Variants in PEX7 observed in about 807,000 individuals in gnomAD.
PEX7 encodes the protein PTS2 receptor.
A neutral mutation model predicts 47.5 loss-of-function variants in PEX7; 34 were observed. The ratio of observed to expected loss-of-function variants is 0.72; its 90% CI spans 0.54 to 0.95. PEX7 has a LOEUF of 0.95. PEX7 is among the 40% of genes least tolerant of loss of function. PEX7 has a pLI of 0.00. For missense variants in PEX7, 394 were observed against 400.3 expected (o/e 0.98, Z 0.13); for synonymous variants, 141 against 148.8 (o/e 0.95, Z 0.38).
At chr6:136,825,816 A>T (rs1244580332) in intron 2 of PEX7, among the ~76,000 whole-genome samples, 2 of 152,104 alleles carry the variant, frequency 1.3e-5, no homozygotes, top group Admixed American at 1.3e-4. Context: ...TATATGCGTG[A>T]GCCACTGGGC....
At chr6:136,907,236 C>G (rs1383343031) in intron 9 of PEX7, among the ~76,000 whole-genome samples, 1 of 152,120 alleles carries the variant, frequency 6.6e-6, no homozygotes, top group African/African-American at 2.4e-5. Context: ...TGTCAACCAC[C>G]TGATACATAT....
At chr6:136,877,186 G>GTTT (rs367629075) in intron 8 of PEX7, among the ~76,000 whole-genome samples, 1 of 145,450 alleles carries the variant, frequency 6.9e-6, no homozygotes, top group Admixed American at 6.9e-5. Flanking sequence ...TGATGGGGTT[G>GTTT]TTTTTTTTTT....
chr6:136,894,451 G>A (rs529010810), intron 8 of PEX7, among the ~76,000 whole-genome samples: 7 of 152,280 alleles, frequency 4.6e-5, no homozygotes, highest in African/African-American at 1.7e-4. Context: ...TTAGCTGAGC[G>A]TAGTGGCGTG....
chr6:136,827,504 T>TTTTG (rs1478142084), intron 3 of PEX7, among the ~76,000 whole-genome samples: 5 of 141,028 alleles, frequency 3.5e-5, no homozygotes, highest in South Asian at 4.7e-4. Flanking sequence ...CTGTGTGAAT[T>TTTTG]TGTGTGTGTG....
At chr6:136,860,441 T>A (rs1161152844) in intron 5 of PEX7, among the ~76,000 whole-genome samples, 1 of 134,614 alleles carries the variant, frequency 7.4e-6, no homozygotes, top group Non-Finnish European at 1.6e-5. Context: ...AAATATTGCA[T>A]GAAAGTGGTG....
chr6:136,835,549 A>G lies in PEX7; in HGVS notation c.339+9080A>G, dbSNP rs539492938. ...TGATCCGCCTGACTCGTCCTCCCAA[A>G]GTGCTAGGATTACAGGCGTGAGCCA... is the stretch of plus-strand genomic sequence containing the variant. On this transcript the variant is annotated intron_variant, in intron 3 of 9. Transcript: ENST00000318471. Among the ~76,000 whole-genome samples, 239 of 152,278 alleles carry G rather than the reference A, an allele frequency of 1.6e-3. 1 individual carries two copies. Among genetic ancestry groups the G allele is most frequent in the African/African-American group, 5.5e-3 (230 of 41,558 alleles).
At chr6:136,831,185 T>G (rs909681758) in intron 3 of PEX7, among the ~76,000 whole-genome samples, 1 of 152,110 alleles carries the variant, frequency 6.6e-6, no homozygotes, top group Non-Finnish European at 1.5e-5. Context: ...TGGGGAGGCC[T>G]CAGGAAACTT....
intron 3 of PEX7, among the ~76,000 whole-genome samples, chr6:136,844,423 T>TA (rs1193922576): frequency 1.3e-5 from 2 of 152,084 alleles, no homozygotes; most frequent in Non-Finnish European, 2.9e-5. Context: ...TTGATCTAAA[T>TA]ATATCTTGAG....
chr6:136,828,083 A>G (rs1176943003), intron 3 of PEX7, among the ~76,000 whole-genome samples: 4 of 152,028 alleles, frequency 2.6e-5, no homozygotes, highest in African/African-American at 7.2e-5. Flanking sequence ...ATCATAAAAT[A>G]ATATAGCTAG....
At chr6:136,868,673 A>G (rs917651816) in intron 6 of PEX7, among the ~76,000 whole-genome samples, 31 of 150,770 alleles carry the variant, frequency 2.1e-4, no homozygotes, top group Admixed American at 1.6e-3. Flanking sequence ...TAGTCAGACA[A>G]TGTTAGGTTG....
chr6:136,888,439 G>A (rs1775503705), intron 8 of PEX7, among the ~76,000 whole-genome samples: 1 of 152,142 alleles, frequency 6.6e-6, no homozygotes. Context: ...AGCTAGAAAT[G>A]TCTTTGTAAC....
chr6:136,829,506 TG>T (rs766553365), intron 3 of PEX7, among the ~76,000 whole-genome samples: 84 of 152,148 alleles, frequency 5.5e-4, no homozygotes, highest in Admixed American at 6.5e-4. Context: ...ACCATTACAC[TG>T]GGGGGTTAAG....
At chr6:136,831,559 A>T (rs1774294370) in intron 3 of PEX7, among the ~76,000 whole-genome samples, 1 of 152,254 alleles carries the variant, frequency 6.6e-6, no homozygotes, top group Non-Finnish European at 1.5e-5. Flanking sequence ...TTCCAGCATT[A>T]ACCCAAAAGT....
chr6:136,857,963 G>A (rs907568477), intron 5 of PEX7, among the ~76,000 whole-genome samples: 2 of 151,994 alleles, frequency 1.3e-5, no homozygotes, highest in South Asian at 2.1e-4. Flanking sequence ...GGCCACAGGT[G>A]TGCGCCACCA....
intron 3 of PEX7, among the ~76,000 whole-genome samples, chr6:136,832,582 A>C (rs1231345674): frequency 6.6e-6 from 1 of 152,198 alleles, no homozygotes; most frequent in Non-Finnish European, 1.5e-5. Context: ...CTGAACTTTT[A>C]TGCTGTGCTT....
At chr6:136,841,845 C>G (rs1582742392) in intron 3 of PEX7, among the ~76,000 whole-genome samples, 1 of 151,422 alleles carries the variant, frequency 6.6e-6, no homozygotes. Context: ...CTCGGCCTCC[C>G]AAAGTGCTGG....
chr6:136,898,294 C>T lies in PEX7; in HGVS notation c.903+53C>T, dbSNP rs143461578. The T allele has an allele frequency of 7.1e-4, 755 of 1,060,766 alleles. 12 individuals are homozygous for T. The East Asian group carries it at 0.017, about 24-fold the overall frequency. The allele number at this position is 1,060,766 out of a possible 1,614,324, so 65.7% of individuals were successfully genotyped here. Reference sequence around the variant, plus strand: ...CTTCTGCCCAAGTTCACAGCCAACTCTGTGTGGCATGCATTGCTTTTATGA... The same window carrying T: ...CTTCTGCCCAAGTTCACAGCCAACTTTGTGTGGCATGCATTGCTTTTATGA... On this transcript the variant is annotated intron_variant, in intron 9 of 9. Coordinates refer to ENST00000318471, the MANE Select transcript of PEX7 (RefSeq NM_000288.4).
At chr6:136,903,075 A>ATTATTATGT (rs1197631380) in intron 9 of PEX7, among the ~76,000 whole-genome samples, 1 of 152,124 alleles carries the variant, frequency 6.6e-6, no homozygotes, top group Non-Finnish European at 1.5e-5. Context: ...GTTTTACCAT[A>ATTATTATGT]TTATTATGTT....
At position 136,850,139 on chromosome 6, in the gene PEX7, T is replaced by TA. The variant is rs1305772303; in HGVS notation, c.526+3967dup. ...TCTTTGTCTCTTCTGATCTTTGTTG[T>TA]AAAAAAAAAGTCTGTTTTATCAGAG... On this transcript the variant is annotated intron_variant, in intron 5 of 9. Transcript: ENST00000318471. 2.2e-3 allele frequency among the ~76,000 whole-genome samples: 338 copies of TA among 150,960 alleles called. 2 individuals are homozygous for TA. Among genetic ancestry groups the TA allele is most frequent in the African/African-American group, 7.1e-3 (292 of 41,196 alleles).
Sources: gnomAD v4.1 joint callset for allele counts (sites outside exome capture counted in the v4.1 genomes callset) on GRCh38, gnomAD v4.1.1 for gene constraint, MANE v1.5 for transcripts, NCBI Gene and HGNC (gene_info 2026-07-23, HGNC 2026-07-21) for gene names.